The following PCLO variants were observed in gnomAD, a reference collection of about 807,000 sequenced individuals.
PCLO encodes the protein piccolo presynaptic cytomatrix protein.
A neutral mutation model predicts 427.5 loss-of-function variants in PCLO; 82 were observed. That is an observed-to-expected ratio of 0.19 (90% confidence interval 0.16 to 0.23). The LOEUF (loss-of-function observed/expected upper bound fraction) is 0.23. PCLO is among the 10% of genes least tolerant of loss of function. The pLI, the probability that PCLO is intolerant of heterozygous loss-of-function variation, is 1.00. For missense variants in PCLO, 6,239 were observed against 6,115.9 expected (o/e 1.02, Z -0.67); for synonymous variants, 2,357 against 2,155.4 (o/e 1.09, Z -2.59).
intron 3 of PCLO, among the ~76,000 whole-genome samples, chr7:83,053,117 A>T (rs1052758606): frequency 3.3e-5 from 5 of 151,996 alleles, no homozygotes; most frequent in African/African-American, 1.2e-4. Flanking sequence ...GTATTCAGTC[A>T]TGTTAGCCCA....
intron 10 of PCLO, among the ~76,000 whole-genome samples, chr7:82,859,078 G>A (rs1213474113): frequency 1.2e-4 from 18 of 152,188 alleles, no homozygotes; most frequent in Non-Finnish European, 4.4e-5. Context: ...GGCCAGCTCA[G>A]CTGCAATACA....
chr7:83,133,794 C>G (rs1183575914), intron 3 of PCLO, among the ~76,000 whole-genome samples: 1 of 151,876 alleles, frequency 6.6e-6, no homozygotes, highest in East Asian at 1.9e-4. Flanking sequence ...GCATATTCAA[C>G]CAAACAAACT....
At chr7:83,064,606 T>C (rs1410571314) in intron 3 of PCLO, among the ~76,000 whole-genome samples, 2 of 152,006 alleles carry the variant, frequency 1.3e-5, no homozygotes, top group Non-Finnish European at 2.9e-5. Flanking sequence ...TATTATTCCA[T>C]CACAGTTCTG....
chr7:82,984,403 GGTGTCT>G lies in PCLO; in HGVS notation c.3301-17922_3301-17917del, dbSNP rs1288576482. ...ATTCACCTTAGTTTATTTCAAATGT[GGTGTCT>G]GTGTGTGTGTGTGTGTGTGTGTGTG... On this transcript the variant is annotated intron_variant, in intron 3 of 24. Coordinates refer to ENST00000333891, the MANE Select transcript of PCLO (RefSeq NM_033026.6). Among the ~76,000 whole-genome samples the G allele has an allele frequency of 3.3e-5, 4 of 120,734 alleles. No homozygotes were observed. The East Asian group carries it at 7.1e-4, about 21-fold the overall frequency. The allele number at this position is 120,734 out of a possible 152,430, so 79.2% of individuals were successfully genotyped here. A position where few individuals can be genotyped will look rare whatever the true frequency, so the allele number is the denominator to read the frequency against.
chr7:83,030,390 A>G (rs1293238014), intron 3 of PCLO, among the ~76,000 whole-genome samples: 1 of 152,232 alleles, frequency 6.6e-6, no homozygotes. Flanking sequence ...TATTAGACAT[A>G]TATAACAGCA....
intron 3 of PCLO, among the ~76,000 whole-genome samples, chr7:83,034,664 T>C (rs543858816): frequency 1.3e-5 from 2 of 152,366 alleles, no homozygotes; most frequent in Middle Eastern, 3.4e-3. Flanking sequence ...GTGCACATGC[T>C]GTATTGAAAT....
intron 3 of PCLO, among the ~76,000 whole-genome samples, chr7:83,025,742 T>G (rs1327756233): frequency 6.6e-6 from 1 of 152,028 alleles, no homozygotes; most frequent in Non-Finnish European, 1.5e-5. Flanking sequence ...CCCATCAGAC[T>G]AACAGCGGAT....
At chr7:82,932,430 C>T (rs578233572) in intron 6 of PCLO, among the ~76,000 whole-genome samples, 6 of 152,080 alleles carry the variant, frequency 3.9e-5, no homozygotes, top group Admixed American at 1.3e-4. Context: ...TCAATGGAAT[C>T]GAATTAGGAT....
chr7:82,821,951 T>C lies in PCLO; in HGVS notation c.14791+544A>G, dbSNP rs140889449. 2.8e-5 allele frequency: 28 copies of C among 985,782 alleles called. No homozygotes were observed. The East Asian group carries it at 3.1e-3, about 108-fold the overall frequency. 61.1% of individuals were successfully genotyped at this position (985,782 alleles called of 1,614,324 possible). A position where few individuals can be genotyped will look rare whatever the true frequency, so the allele number is the denominator to read the frequency against. ...ATTTCAGAAGCAAAATTTGTTAGTGTTTTAAAGCACTGTCTTGAAATGGCT... is the reference window on the plus strand; with the variant it reads ...ATTTCAGAAGCAAAATTTGTTAGTGCTTTAAAGCACTGTCTTGAAATGGCT... On this transcript the variant is annotated intron_variant, in intron 20 of 24. Coordinates refer to ENST00000333891, the MANE Select transcript of PCLO (RefSeq NM_033026.6).
chr7:82,858,437 C>T (rs1312382951), intron 10 of PCLO, among the ~76,000 whole-genome samples: 2 of 152,040 alleles, frequency 1.3e-5, no homozygotes, highest in African/African-American at 2.4e-5. Flanking sequence ...CAACATAGTA[C>T]TGGAAGTCCT....
At chr7:82,882,006 G>A (rs1027402483) in intron 9 of PCLO, among the ~76,000 whole-genome samples, 12 of 152,000 alleles carry the variant, frequency 7.9e-5, no homozygotes, top group Admixed American at 7.9e-4. Flanking sequence ...TTGAAGAATA[G>A]AACGTTAGAA....
At chr7:83,016,508 T>C (rs569658863) in intron 3 of PCLO, among the ~76,000 whole-genome samples, 1 of 152,206 alleles carries the variant, frequency 6.6e-6, no homozygotes, top group South Asian at 2.1e-4. Flanking sequence ...AGAATGTGTC[T>C]TTTGACCTTG....
In PCLO at chr7:83,156,014, A is replaced by T. The variant is rs558814249; in HGVS notation, c.627T>A (p.Pro209=). The T allele has an allele frequency of 1.2e-5, 20 of 1,612,156 alleles. No homozygotes were observed. In the East Asian group the frequency reaches 3.4e-4, roughly 27 times the overall value. The change falls in exon 2 of 25, where the codon CCT becomes CCA. Residue 209 remains proline (P), a synonymous_variant. Transcript: ENST00000333891. ...GCTTGGGTGGCTGTTGTTGTAAAGG[A>T]GGTTTTATGATTCCTTCAGGTTTTC... is the stretch of plus-strand genomic sequence containing the variant. The part of the protein sequence containing the change: ...EQGKPEGIIK[P]PLQQQPPKPI...
chr7:82,968,723 T>A (rs1795836698), intron 3 of PCLO, among the ~76,000 whole-genome samples: 1 of 152,014 alleles, frequency 6.6e-6, no homozygotes, highest in African/African-American at 2.4e-5. Context: ...TTTCACCATG[T>A]TACCTAGGAT....
At chr7:83,096,117 A>G (rs1422842226) in intron 3 of PCLO, among the ~76,000 whole-genome samples, 1 of 152,086 alleles carries the variant, frequency 6.6e-6, no homozygotes, top group Admixed American at 6.6e-5. Context: ...TACATTATTA[A>G]TAGTATATAT....
intron 8 of PCLO, among the ~76,000 whole-genome samples, chr7:82,906,992 A>T (rs2116220743): frequency 6.6e-6 from 1 of 152,124 alleles, no homozygotes; most frequent in East Asian, 1.9e-4. Context: ...ATAATTATAT[A>T]TTATTTAAAC....
chr7:83,029,828 G>A (rs895218248), intron 3 of PCLO, among the ~76,000 whole-genome samples: 3 of 145,078 alleles, frequency 2.1e-5, no homozygotes, highest in African/African-American at 7.7e-5. Context: ...GGATGAAATT[G>A]GAAATCATCA....
chr7:82,953,621 T>C lies in PCLO; in HGVS notation c.7332A>G (p.Thr2444=), dbSNP rs1392982100. Residue 2444 remains threonine, a synonymous_variant, in exon 5 of 25, where the codon ACA becomes ACG. Transcript: ENST00000333891. ...KPTILPKKKL[T]VASPVTTATP... Reference sequence around the variant, plus strand: ...TAGCTGTAGTCACTGGAGATGCAACTGTTAACTTTTTTTTAGGAAGAATAG... The same window carrying C: ...TAGCTGTAGTCACTGGAGATGCAACCGTTAACTTTTTTTTAGGAAGAATAG... The C allele has an allele frequency of 2.0e-5, 33 of 1,610,606 alleles. No individual in the cohort carries two copies. The highest frequency in any genetic ancestry group is 2.4e-5 in the Non-Finnish European group (28 of 1,178,870).
intron 7 of PCLO, 190 bp downstream of exon 7, chr7:82,914,492 CTAAA>C (rs1794396236): frequency 3.0e-6 from 2 of 655,816 alleles, no homozygotes; most frequent in Non-Finnish European, 5.4e-6. Flanking sequence ...TAAAGTAAAA[CTAAA>C]TAAAGAAAAG....
Sources: allele counts gnomAD v4.1 joint callset (sites outside exome capture counted in the v4.1 genomes callset), GRCh38; gene constraint gnomAD v4.1.1; transcripts MANE v1.5; gene names NCBI Gene and HGNC (gene_info 2026-07-23, HGNC 2026-07-21).